Variants in ATP2A1 observed in about 807,000 individuals in gnomAD.
The protein encoded by ATP2A1 is sarcoplasmic/endoplasmic reticulum calcium ATPase 1.
A neutral mutation model predicts 109.5 loss-of-function variants in ATP2A1; 83 were observed. The ratio of observed to expected loss-of-function variants is 0.76; its 90% confidence interval spans 0.63 to 0.91. ATP2A1 has a LOEUF of 0.91. ATP2A1 is among the 40% of genes least tolerant of loss of function. ATP2A1 has a pLI of 0.00. For missense variants in ATP2A1, 1,101 were observed against 1,341.0 expected (o/e 0.82, Z 2.80); for synonymous variants, 505 against 537.6 (o/e 0.94, Z 0.84).
At chr16:28,899,982 C>CAAA (rs145297469) in intron 14 of ATP2A1, among the ~76,000 whole-genome samples, 3 of 132,068 alleles carry the variant, frequency 2.3e-5, no homozygotes, top group African/African-American at 6.1e-5. Flanking sequence ...AAAACAAAAA[C>CAAA]AAAAACAAAA....
At chr16:28,878,950 C>T (rs1441530695) in intron 1 of ATP2A1, 149 bp from the exon 2 acceptor site, 4 of 1,347,376 alleles carry the variant, frequency 3.0e-6, no homozygotes, top group Middle Eastern at 1.8e-4. Context: ...AAAACAGAGT[C>T]CCGAGATCCA....
In ATP2A1 at chr16:28,879,109, T is replaced by C. The variant is rs750655997; in HGVS notation, c.129T>C (p.Ala43=). 1.5e-5 allele frequency: 25 copies of C among 1,613,986 alleles called. No individual in the cohort carries two copies. The African/African-American group carries it at 3.2e-4, about 21-fold the overall frequency. Residue 43 remains alanine, a synonymous_variant, in exon 2 of 23, where the codon GCT becomes GCC. Coordinates refer to ENST00000395503, the MANE Select transcript of ATP2A1 (RefSeq NM_004320.6). Reference sequence around the variant, plus strand: ...CTTTTTCCTGGGTAGAGCTCCCTGCTGAGGAAGGTAAGTTACTGGAATCCC... The same window carrying C: ...CTTTTTCCTGGGTAGAGCTCCCTGCCGAGGAAGGTAAGTTACTGGAATCCC... ...LEKYGLNELP[A]EEGKTLWELV...
In ATP2A1 at chr16:28,888,893, C is replaced by T; in HGVS notation, c.1035C>T (p.Thr345=). 1 of 1,614,156 alleles carries T rather than the reference C, an allele frequency of 6.2e-7. No individual in the cohort carries two copies. Among genetic ancestry groups the T allele is most frequent in the Non-Finnish European group, 8.5e-7 (1 of 1,180,020 alleles). The part of the protein sequence containing the change: ...SLPSVETLGC[T]SVICSDKTGT... Reference sequence around the variant, plus strand: ...CCTCCGTAGAGACCCTGGGCTGCACCTCTGTCATCTGTTCCGACAAGACAG... The same window carrying T: ...CCTCCGTAGAGACCCTGGGCTGCACTTCTGTCATCTGTTCCGACAAGACAG... Residue 345 remains threonine (T), a synonymous_variant, in exon 9 of 23, where the codon ACC becomes ACT. Coordinates refer to ENST00000395503, the MANE Select transcript of ATP2A1 (RefSeq NM_004320.6).
intron 8 of ATP2A1, among the ~76,000 whole-genome samples, chr16:28,888,228 T>A (rs888728029): frequency 6.6e-6 from 1 of 152,130 alleles, no homozygotes; most frequent in African/African-American, 2.4e-5. Flanking sequence ...AGATGGGGTT[T>A]CACCATGTTG....
Position 28,888,777 on chromosome 16 carries a change from C to A in ATP2A1, c.929-10C>A. On this transcript the variant is annotated splice_polypyrimidine_tract_variant and intron_variant, in intron 8 of 22. Transcript: ENST00000395503. ...GCAGGTTCCCTCACACCCTCCCTCC[C>A]TCCCCACAGGTCTTCCTGCAGTCAT... is the stretch of plus-strand genomic sequence containing the variant. 6.2e-7 allele frequency: 1 copy of A among 1,611,660 alleles called. No individual in the cohort carries two copies. The highest frequency in any genetic ancestry group is 1.1e-5 in the South Asian group (1 of 91,012).
intron 12 of ATP2A1, among the ~76,000 whole-genome samples, chr16:28,897,535 T>C (rs1436412503): frequency 6.6e-6 from 1 of 152,130 alleles, no homozygotes; most frequent in Non-Finnish European, 1.5e-5. Flanking sequence ...AAACAAACAA[T>C]GAAAGTTTTT....
intron 3 of ATP2A1, 97 bp downstream of exon 3, chr16:28,879,680 C>T (rs1963397683): frequency 7.3e-7 from 1 of 1,364,510 alleles, no homozygotes; most frequent in East Asian, 2.5e-5. Flanking sequence ...CGTCCGAGTC[C>T]CGAGCATCCC....
At position 28,887,461 on chromosome 16, in the gene ATP2A1, G is replaced by A. The variant is rs767886671; in HGVS notation, c.667G>A (p.Val223Met). The A allele has an allele frequency of 4.3e-6, 7 of 1,613,936 alleles. No homozygotes were observed. The highest frequency in any genetic ancestry group is 5.1e-6 in the Non-Finnish European group (6 of 1,179,994). ...NIAAGKALGI[V>M]ATTGVGTEIG... ...TGCAGCCGGCAAGGCCTTGGGCATCGTGGCCACCACTGGTGTGGGCACCGA... is the reference window on the plus strand; with the variant it reads ...TGCAGCCGGCAAGGCCTTGGGCATCATGGCCACCACTGGTGTGGGCACCGA... Residue 223 changes from valine (V) to methionine (M), a missense_variant, in exon 8 of 23, where the codon GTG becomes ATG. Coordinates refer to ENST00000395503, the MANE Select transcript of ATP2A1 (RefSeq NM_004320.6).
chr16:28,885,966 G>C (rs1963604415), intron 6 of ATP2A1, among the ~76,000 whole-genome samples: 1 of 151,924 alleles, frequency 6.6e-6, no homozygotes, highest in Non-Finnish European at 1.5e-5. Context: ...AGGAGTTTCA[G>C]ACCAGCCTCG....
In ATP2A1 at chr16:28,880,328, G is replaced by A. The variant is rs138463964; in HGVS notation, c.220-587G>A. On this transcript the variant is annotated intron_variant, in intron 3 of 22. Transcript: ENST00000395503. The surrounding 1 kb of genome is among the most constrained non-coding windows in gnomAD (Gnocchi z 4.2). Reference sequence around the variant, plus strand: ...AAAGCCTCCCTGTGCCTTGGTCTCCGAACGCAGGCCCCGTCGCGTTAAGCA... The same window carrying A: ...AAAGCCTCCCTGTGCCTTGGTCTCCAAACGCAGGCCCCGTCGCGTTAAGCA... Among the ~76,000 whole-genome samples the A allele has an allele frequency of 3.5e-3, 526 of 152,334 alleles. 4 individuals are homozygous for A. Among genetic ancestry groups the A allele is most frequent in the African/African-American group, 0.01 (422 of 41,586 alleles).
chr16:28,893,387 C>G (rs1409112171), intron 9 of ATP2A1, among the ~76,000 whole-genome samples: 1 of 146,564 alleles, frequency 6.8e-6, no homozygotes, highest in East Asian at 2.1e-4. Flanking sequence ...GCCTGGGCAA[C>G]AGAGCAAGAA....
chr16:28,888,920 C>A lies in ATP2A1; in HGVS notation c.1062C>A (p.Gly354=). Residue 354 remains glycine (G), a synonymous_variant, in exon 9 of 23, where the codon GGC becomes GGA. Coordinates refer to ENST00000395503, the MANE Select transcript of ATP2A1 (RefSeq NM_004320.6). ...CTGTCATCTGTTCCGACAAGACAGG[C>A]ACCCTCACCACCAACCAGATGTCTG... The part of the protein sequence containing the change: ...CTSVICSDKT[G]TLTTNQMSVC... 6.2e-7 allele frequency: 1 copy of A among 1,614,178 alleles called. No homozygotes were observed.
At position 28,898,121 on chromosome 16, in the gene ATP2A1, T is replaced by C. The variant is rs1963968922; in HGVS notation, c.1541T>C (p.Val514Ala). 3.7e-6 allele frequency: 6 copies of C among 1,614,044 alleles called. No homozygotes were observed. The highest frequency in any genetic ancestry group is 4.2e-6 in the Non-Finnish European group (5 of 1,180,032). ...SRAAVGNKMFVKGAPEGVIDR... is the reference protein window; with the variant it reads ...SRAAVGNKMFAKGAPEGVIDR... ...GCTGCTGTGGGCAACAAGATGTTTGTCAAGGTCAGAAATCGGAATGTGCCT... is the reference window on the plus strand; with the variant it reads ...GCTGCTGTGGGCAACAAGATGTTTGCCAAGGTCAGAAATCGGAATGTGCCT... The change falls in exon 13 of 23, where the codon GTC (valine) becomes GCC (alanine). Residue 514 changes from valine (V) to alanine (A), a missense_variant. Coordinates refer to ENST00000395503, the MANE Select transcript of ATP2A1 (RefSeq NM_004320.6). The surrounding 1 kb of genome is among the most constrained non-coding windows in gnomAD (Gnocchi z 4.0).
At chr16:28,878,946 G>C in intron 1 of ATP2A1, 153 bp from the exon 2 acceptor site, 1 of 1,337,808 alleles carries the variant, frequency 7.5e-7, no homozygotes, top group Non-Finnish European at 1.1e-6. Context: ...TGAGAAAACA[G>C]AGTCCCGAGA....
intron 12 of ATP2A1, 123 bp from the exon 13 acceptor site, chr16:28,897,877 C>A: frequency 1.5e-6 from 2 of 1,325,966 alleles, no homozygotes; most frequent in Non-Finnish European, 2.1e-6. Context: ...GGATTTTCTC[C>A]TTTTGTGCTA....
intron 1 of ATP2A1, 47 bp downstream of exon 1, chr16:28,878,836 C>G (rs375996541): frequency 6.3e-7 from 1 of 1,575,362 alleles, no homozygotes; most frequent in Non-Finnish European, 8.7e-7. Context: ...CCCTCCTGCA[C>G]CCCCAAAACA....
chr16:28,898,235 T>TGC lies in ATP2A1; in HGVS notation c.1549_1550dup (p.Glu519LeufsTer20). 6.2e-7 allele frequency: 1 copy of TGC among 1,614,164 alleles called. No individual in the cohort carries two copies. The highest frequency in any genetic ancestry group is 8.5e-7 in the Non-Finnish European group (1 of 1,180,010). On this transcript the variant is annotated frameshift_variant, in exon 14 of 23. Transcript: ENST00000395503. LOFTEE classifies it high-confidence loss of function. This position sits in a 1 kb window ranked among gnomAD's most constrained non-coding sequence, Gnocchi z 4.0. The stretch of plus-strand genomic sequence containing the variant: ...TGAATGCTGTTCTGGTCTCCTAGGG[T>TGC]GCCCCTGAGGGCGTCATCGACCGCT...
chr16:28,878,880 G>A (rs1175692539), intron 1 of ATP2A1, 91 bp downstream of exon 1: 28 of 1,442,566 alleles, frequency 1.9e-5, no homozygotes, highest in Non-Finnish European at 2.7e-5. Context: ...CTCCCTTCAG[G>A]GTTTCTTAAG....
rs576372299 is a variant in ATP2A1, at chr16:28,879,199, G to A, written c.136+83G>A. The stretch of plus-strand genomic sequence containing the variant: ...CCACTCCCTCCTCCCTGCCTCTTTA[G>A]ATTCTTTGAGCAAATATCCCTTCCC... On this transcript the variant is annotated intron_variant, in intron 2 of 22. Transcript: ENST00000395503. The A allele has an allele frequency of 1.4e-5, 21 of 1,511,712 alleles. No individual in the cohort carries two copies. In the South Asian group the frequency reaches 2.0e-4, roughly 15 times the overall value. 93.6% of individuals were successfully genotyped at this position (1,511,712 alleles called of 1,614,324 possible).
Sources: gnomAD v4.1 joint callset for allele counts (sites outside exome capture counted in the v4.1 genomes callset) on GRCh38, gnomAD v4.1.1 for gene constraint, Gnocchi (gnomAD v3.1) non-coding constraint, MANE v1.5 for transcripts, NCBI Gene and HGNC (gene_info 2026-07-23, HGNC 2026-07-21) for gene names.